SERF1A: variants seen among roughly 807,000 people sequenced by gnomAD.
SERF1A encodes small EDRK-rich factor 1A.
downstream of SERF1A, among the ~76,000 whole-genome samples, chr5:70,909,082 GTT>G (rs1239868777): frequency 7.5e-5 from 4 of 53,120 alleles, no homozygotes; most frequent in Non-Finnish European, 1.3e-4. Flanking sequence ...TTTGTGGGGT[GTT>G]TTTTTTTTTT....
downstream of SERF1A, among the ~76,000 whole-genome samples, chr5:70,912,081 TCAAAAACA>T (rs1749135372): frequency 2.2e-5 from 1 of 45,296 alleles, no homozygotes; most frequent in African/African-American, 7.4e-5. Flanking sequence ...TCTCTCTCTC[TCAAAAACA>T]CTTGGTCTGT....
downstream of SERF1A, among the ~76,000 whole-genome samples, chr5:70,912,012 T>TACACACACACACACACACAC (rs1203956669): frequency 4.4e-5 from 1 of 22,862 alleles, no homozygotes; most frequent in African/African-American, 1.2e-4. Context: ...TCTCAAAACA[T>TACACACACACACACACACAC]ACACACACAC....
downstream of SERF1A, among the ~76,000 whole-genome samples, chr5:70,910,782 AATT>A (rs1313756780): frequency 3.7e-4 from 7 of 18,762 alleles, no homozygotes; most frequent in Admixed American, 2.8e-3. Flanking sequence ...GAATAATTTT[AATT>A]ATTATTATTA....
At chr5:70,911,964 C>T (rs1236176437), downstream of SERF1A, among the ~76,000 whole-genome samples, 1 of 31,402 alleles carries the variant, frequency 3.2e-5, no homozygotes, top group African/African-American at 6.4e-5. Context: ...GAGATTGCAC[C>T]ACTGCCCTCC....
In SERF1A at chr5:70,913,391, A is replaced by C. The variant is rs559954546; in HGVS notation, c.117-3550A>C. ...AAGACTCTGTCTCAAAAAAAAAAAA[A>C]AAAAAAAAACATACAAACCGAATTT... is the stretch of plus-strand genomic sequence containing the variant. On this transcript the variant is annotated intron_variant, in intron 2 of 2. Coordinates refer to the SERF1A transcript ENST00000354833. Among the ~76,000 whole-genome samples the C allele has an allele frequency of 3.6e-4, 52 of 144,176 alleles. 2 individuals carry two copies. The East Asian group carries it at 0.01, about 29-fold the overall frequency. The allele number at this position is 144,176 out of a possible 152,430, so 94.6% of individuals were successfully genotyped here. A position where few individuals can be genotyped will look rare whatever the true frequency, so the allele number is the denominator to read the frequency against.
downstream of SERF1A, among the ~76,000 whole-genome samples, chr5:70,912,057 A>ACACACTCT (rs1184160284): frequency 3.2e-3 from 60 of 18,612 alleles, 1 homozygote; most frequent in African/African-American, 0.011. Flanking sequence ...ACACACACAC[A>ACACACTCT]CTCTCTCTCT....
chr5:70,912,055 ACACT>A (rs1390021658), downstream of SERF1A, among the ~76,000 whole-genome samples: 14 of 30,396 alleles, frequency 4.6e-4, no homozygotes, highest in Non-Finnish European at 7.3e-4. Context: ...ACACACACAC[ACACT>A]CTCTCTCTCT....
downstream of SERF1A, among the ~76,000 whole-genome samples, chr5:70,912,012 T>TACACAC (rs1203956669): frequency 2.5e-3 from 57 of 22,868 alleles, 2 homozygotes; most frequent in African/African-American, 5.5e-3. Flanking sequence ...TCTCAAAACA[T>TACACAC]ACACACACAC....
chr5:70,912,153 A>T (rs1749136681), downstream of SERF1A, among the ~76,000 whole-genome samples: 1 of 17,082 alleles, frequency 5.9e-5, no homozygotes, highest in South Asian at 3.7e-3. Flanking sequence ...GCTGAGTAAG[A>T]ACATTTATTA....
At chr5:70,917,341 CTT>C (rs1393891467) in exon 3 of SERF1A, 3,273 of 83,082 alleles carry the variant, frequency 0.039, no homozygotes, top group East Asian at 0.053. Flanking sequence ...TAACTTAGCA[CTT>C]TTTTTTTTTT....
downstream of SERF1A, among the ~76,000 whole-genome samples, chr5:70,910,798 A>ATTTTTTTTTTT (rs1249752268): frequency 9.6e-5 from 2 of 20,928 alleles, no homozygotes; most frequent in Non-Finnish European, 9.5e-5. Flanking sequence ...TATTATTATT[A>ATTTTTTTTTTT]TTTTTTTTTT....
At chr5:70,913,391 A>AC (rs1345222033) in intron 2 of SERF1A, among the ~76,000 whole-genome samples, 9 of 144,176 alleles carry the variant, frequency 6.2e-5, no homozygotes, top group African/African-American at 7.5e-5. Context: ...AAAAAAAAAA[A>AC]AAAAAAAAAC....
chr5:70,912,059 T>A (rs868374405), downstream of SERF1A, among the ~76,000 whole-genome samples: 26 of 34,054 alleles, frequency 7.6e-4, 1 homozygote, highest in East Asian at 4.3e-3. Context: ...ACACACACAC[T>A]CTCTCTCTCT....
At chr5:70,910,798 AT>A (rs1249752268), downstream of SERF1A, among the ~76,000 whole-genome samples, 7 of 20,920 alleles carry the variant, frequency 3.3e-4, no homozygotes, top group Admixed American at 7.5e-4. Context: ...TATTATTATT[AT>A]TTTTTTTTTT....
chr5:70,904,546 T>C lies in SERF1A; in HGVS notation c.116+2613T>C, dbSNP rs1168722056. 4.2e-5 allele frequency among the ~76,000 whole-genome samples: 2 copies of C among 47,210 alleles called. 1 individual carries two copies. The highest frequency in any genetic ancestry group is 9.3e-5 in the Non-Finnish European group (2 of 21,406). 31.0% of individuals were successfully genotyped at this position (47,210 alleles called of 152,430 possible). A position where few individuals can be genotyped will look rare whatever the true frequency, so the allele number is the denominator to read the frequency against. ...CACCCTAGGTAAATTTTACTGTACT[T>C]AGGTTATGCCTTTTTTTTTTTTTAA... is the stretch of plus-strand genomic sequence containing the variant. On this transcript the variant is annotated intron_variant, in intron 2 of 2. Coordinates refer to ENST00000317633, the MANE Select transcript of SERF1A (RefSeq NM_022968.2).
chr5:70,909,533 TAAAAG>T (rs1749090436), downstream of SERF1A, among the ~76,000 whole-genome samples: 1 of 108,710 alleles, frequency 9.2e-6, no homozygotes, highest in African/African-American at 3.2e-5. Flanking sequence ...TACATTCTAA[TAAAAG>T]AAATAATAAA....
In SERF1A at chr5:70,913,400, A is replaced by G. The variant is rs1396963473; in HGVS notation, c.117-3541A>G. Among the ~76,000 whole-genome samples, 2 of 139,708 alleles carry G rather than the reference A, an allele frequency of 1.4e-5. 1 individual carries two copies. Among genetic ancestry groups the G allele is most frequent in the Non-Finnish European group, 3.1e-5 (2 of 64,642 alleles). The allele number at this position is 139,708 out of a possible 152,430, so 91.7% of individuals were successfully genotyped here. A position where few individuals can be genotyped will look rare whatever the true frequency, so the allele number is the denominator to read the frequency against. The stretch of plus-strand genomic sequence containing the variant: ...TCTCAAAAAAAAAAAAAAAAAAAAA[A>G]CATACAAACCGAATTTCCATTCCAC... On this transcript the variant is annotated intron_variant, in intron 2 of 2. Coordinates refer to the SERF1A transcript ENST00000354833.
intron 2 of SERF1A, among the ~76,000 whole-genome samples, chr5:70,913,235 C>T (rs1334193851): frequency 2.4e-5 from 3 of 124,224 alleles, no homozygotes; most frequent in African/African-American, 8.2e-5. Context: ...AAAAATTAGC[C>T]AAGCGTGGTG....
At chr5:70,910,798 A>ATTT (rs1249752268), downstream of SERF1A, among the ~76,000 whole-genome samples, 1,099 of 20,900 alleles carry the variant, frequency 0.053, 327 homozygotes, top group East Asian at 0.39. Context: ...TATTATTATT[A>ATTT]TTTTTTTTTT....
Sources: gnomAD v4.1 joint callset for allele counts (sites outside exome capture counted in the v4.1 genomes callset) on GRCh38, gnomAD v4.1.1 for gene constraint, MANE v1.5 for transcripts, NCBI Gene and HGNC (gene_info 2026-07-23, HGNC 2026-07-21) for gene names.